The following EFNA5 variants were observed in gnomAD, a reference collection of about 807,000 sequenced individuals.
The protein encoded by EFNA5 is ephrin A5, also known as ephrin-A5.
In EFNA5, 5 loss-of-function variants were observed where a neutral mutation model predicts 22.9. The ratio of observed to expected loss-of-function variants is 0.22; its 90% CI spans 0.11 to 0.46. The LOEUF (loss-of-function observed/expected upper bound fraction) is 0.46, where lower values mean the gene tolerates loss of function less well. Among genes scored for constraint, EFNA5 ranks in the 20% least tolerant of loss-of-function variants. The probability of loss-of-function intolerance (pLI) is 0.99; values close to 1 mark genes in which losing one functional copy is unlikely to be tolerated. For synonymous variants in EFNA5, 113 were observed against 112.2 expected (o/e 1.01, Z -0.04); for missense variants, 237 against 293.3 (o/e 0.81, Z 1.40).
chr5:107,654,705 G>A (rs917962910), intron 1 of EFNA5, among the ~76,000 whole-genome samples: 1 of 152,038 alleles, frequency 6.6e-6, no homozygotes, highest in South Asian at 2.1e-4. Flanking sequence ...AGCATCTTCT[G>A]TATTTTAAAC....
chr5:107,556,192 T>TTC (rs1398697632), intron 1 of EFNA5, among the ~76,000 whole-genome samples: 2 of 152,170 alleles, frequency 1.3e-5, no homozygotes, highest in Non-Finnish European at 2.9e-5. Flanking sequence ...CACTCACAGT[T>TTC]TCCTATCCAC....
At chr5:107,543,326 T>C (rs1016542248) in intron 1 of EFNA5, among the ~76,000 whole-genome samples, 8 of 152,252 alleles carry the variant, frequency 5.3e-5, no homozygotes, top group Admixed American at 2.6e-4. Flanking sequence ...AAAGGCCCTT[T>C]TATATTTATT....
intron 1 of EFNA5, among the ~76,000 whole-genome samples, chr5:107,478,855 T>G (rs1750379831): frequency 6.6e-6 from 1 of 152,168 alleles, no homozygotes; most frequent in Non-Finnish European, 1.5e-5. Context: ...AAAATGAAAC[T>G]TTTCGTTTTA....
At chr5:107,604,873 T>C (rs937863200) in intron 1 of EFNA5, among the ~76,000 whole-genome samples, 1 of 152,072 alleles carries the variant, frequency 6.6e-6, no homozygotes, top group African/African-American at 2.4e-5. Context: ...TAGTGCTTAA[T>C]TGCGGGATGT....
At chr5:107,667,237 C>T (rs26736) in intron 1 of EFNA5, among the ~76,000 whole-genome samples, 42,441 of 151,778 alleles carry the variant, frequency 0.28, 6,199 homozygotes, top group East Asian at 0.55. Flanking sequence ...TGTGCCAATT[C>T]AACACATAAA....
intron 1 of EFNA5, among the ~76,000 whole-genome samples, chr5:107,651,942 C>T (rs1372609196): frequency 6.6e-6 from 1 of 152,142 alleles, no homozygotes; most frequent in Admixed American, 6.6e-5. Flanking sequence ...GTTAATCCAT[C>T]TGTTACAAAG....
intron 1 of EFNA5, among the ~76,000 whole-genome samples, chr5:107,643,569 T>A (rs1194673015): frequency 6.6e-6 from 1 of 152,064 alleles, no homozygotes; most frequent in African/African-American, 2.4e-5. Context: ...CAGAAGCACC[T>A]TCACTGTGTT....
At chr5:107,563,984 C>T (rs80016431) in intron 1 of EFNA5, among the ~76,000 whole-genome samples, 4,417 of 152,276 alleles carry the variant, frequency 0.029, 210 homozygotes, top group African/African-American at 0.098. Flanking sequence ...CTCCTTGGGA[C>T]TACTATTTGC....
At chr5:107,512,222 T>C (rs1282098466) in intron 1 of EFNA5, among the ~76,000 whole-genome samples, 1 of 152,206 alleles carries the variant, frequency 6.6e-6, no homozygotes, top group East Asian at 1.9e-4. Context: ...ATCTCTGTTG[T>C]AGTTGAAGAC....
chr5:107,601,060 T>C (rs1490748928), intron 1 of EFNA5, among the ~76,000 whole-genome samples: 1 of 152,182 alleles, frequency 6.6e-6, no homozygotes, highest in Non-Finnish European at 1.5e-5. Flanking sequence ...CTATAAAGTA[T>C]GTGGAAAACT....
intron 1 of EFNA5, among the ~76,000 whole-genome samples, chr5:107,562,753 AAAAAT>A (rs1194384355): frequency 6.6e-6 from 1 of 152,340 alleles, no homozygotes; most frequent in South Asian, 2.1e-4. Flanking sequence ...ATCTAGTGCA[AAAAAT>A]AAAATAGAAA....
intron 1 of EFNA5, among the ~76,000 whole-genome samples, chr5:107,535,567 CATT>C (rs1467109238): frequency 6.6e-6 from 1 of 151,874 alleles, no homozygotes; most frequent in Non-Finnish European, 1.5e-5. Context: ...TATTATATGA[CATT>C]ATTTTTATAG....
chr5:107,568,969 T>G lies in EFNA5; in HGVS notation c.125+101520A>C, dbSNP rs926781776. 7.0e-4 allele frequency among the ~76,000 whole-genome samples: 106 copies of G among 152,178 alleles called. 1 individual carries two copies. The highest frequency in any genetic ancestry group is 1.5e-5 in the Non-Finnish European group (1 of 68,038). ...TGTCAGGACAGCTAAATATATGACT[T>G]ATAAAAATCACTAGTTCCTCCCACC... is the stretch of plus-strand genomic sequence containing the variant. On this transcript the variant is annotated intron_variant, in intron 1 of 4. Coordinates refer to ENST00000333274, the MANE Select transcript of EFNA5 (RefSeq NM_001962.3).
chr5:107,477,506 A>G (rs1238297098), intron 1 of EFNA5, among the ~76,000 whole-genome samples: 1 of 152,236 alleles, frequency 6.6e-6, no homozygotes, highest in East Asian at 1.9e-4. Flanking sequence ...ACATTAATTT[A>G]TAACTGTAAA....
chr5:107,580,965 G>A (rs1175786028), intron 1 of EFNA5, among the ~76,000 whole-genome samples: 14 of 152,144 alleles, frequency 9.2e-5, no homozygotes, highest in South Asian at 2.1e-4. Context: ...GAGCCAGTAC[G>A]TTGAGAATAT....
At chr5:107,482,864 CTCTCTCTATA>C (rs1219157202) in intron 1 of EFNA5, among the ~76,000 whole-genome samples, 1,337 of 48,142 alleles carry the variant, frequency 0.028, 18 homozygotes, top group East Asian at 0.081. Flanking sequence ...CTCTCTCTCT[CTCTCTCTATA>C]TATATATATA....
intron 1 of EFNA5, among the ~76,000 whole-genome samples, chr5:107,626,397 G>C (rs992266488): frequency 2.0e-5 from 3 of 151,896 alleles, no homozygotes; most frequent in Admixed American, 6.6e-5. Context: ...TCCTCCCTTA[G>C]GTAGTAGCTA....
At chr5:107,542,554 AG>A (rs113729727) in intron 1 of EFNA5, among the ~76,000 whole-genome samples, 1 of 116,768 alleles carries the variant, frequency 8.6e-6, no homozygotes, top group East Asian at 2.9e-4. Flanking sequence ...TTGTGGTATA[AG>A]GGGGGGGTGC....
chr5:107,465,583 C>T (rs998123541), intron 1 of EFNA5, among the ~76,000 whole-genome samples: 1 of 152,050 alleles, frequency 6.6e-6, no homozygotes, highest in Non-Finnish European at 1.5e-5. Flanking sequence ...AACTTAAGTC[C>T]AACATAATTG....
Sources: gnomAD v4.1 joint callset for allele counts (sites outside exome capture counted in the v4.1 genomes callset) on GRCh38, gnomAD v4.1.1 for gene constraint, MANE v1.5 for transcripts, NCBI Gene and HGNC (gene_info 2026-07-23, HGNC 2026-07-21) for gene names.